The following CDH18 variants were observed in gnomAD, a reference collection of about 807,000 sequenced individuals.
CDH18 encodes the protein cadherin-18.
In CDH18, 31 loss-of-function variants were observed where a neutral mutation model predicts 67.9. The ratio of observed to expected loss-of-function variants is 0.46; its 90% CI spans 0.34 to 0.62. The LOEUF is 0.62. CDH18 is among the 20% of genes least tolerant of loss of function. The probability of loss-of-function intolerance (pLI) is 0.01; values close to 1 mark genes in which losing one functional copy is unlikely to be tolerated. For synonymous variants in CDH18, 362 were observed against 347.2 expected (o/e 1.04, Z -0.48); for missense variants, 890 against 975.5 (o/e 0.91, Z 1.17).
intron 1 of CDH18, among the ~76,000 whole-genome samples, chr5:20,450,522 CA>C (rs1750361301): frequency 6.6e-6 from 1 of 151,888 alleles, no homozygotes; most frequent in African/African-American, 2.4e-5. Context: ...TCTACCAATG[CA>C]AAAATAAAAG....
chr5:20,418,454 G>A (rs535270538), intron 1 of CDH18, among the ~76,000 whole-genome samples: 2 of 151,240 alleles, frequency 1.3e-5, no homozygotes, highest in South Asian at 2.1e-4. Context: ...GGGGAGAGTC[G>A]GTTAAACACA....
chr5:20,301,226 T>A (rs1453902580), intron 1 of CDH18, among the ~76,000 whole-genome samples: 10 of 152,208 alleles, frequency 6.6e-5, no homozygotes, highest in Admixed American at 6.5e-4. Flanking sequence ...TTTATTCACA[T>A]TTCACAGATT....
At chr5:20,542,860 G>A (rs964771281) in intron 1 of CDH18, among the ~76,000 whole-genome samples, 4 of 151,732 alleles carry the variant, frequency 2.6e-5, no homozygotes, top group Admixed American at 2.6e-4. Context: ...GTGTAAACTT[G>A]TAGTGTATTT....
intron 1 of CDH18, among the ~76,000 whole-genome samples, chr5:20,349,742 A>G (rs978831240): frequency 2.7e-4 from 41 of 152,156 alleles, no homozygotes; most frequent in African/African-American, 9.7e-4. Context: ...TTTTCAAAAG[A>G]TAAGTCAGAT....
chr5:19,761,245 A>G (rs1049539215), intron 3 of CDH18, among the ~76,000 whole-genome samples: 4 of 152,180 alleles, frequency 2.6e-5, no homozygotes, highest in Non-Finnish European at 5.9e-5. Context: ...TTTGAGGCTC[A>G]GTATCTGCTT....
At chr5:20,537,005 G>A (rs1396346063) in intron 1 of CDH18, among the ~76,000 whole-genome samples, 3 of 152,074 alleles carry the variant, frequency 2.0e-5, no homozygotes, top group Admixed American at 6.6e-5. Flanking sequence ...CTATGTGGGA[G>A]GGTGGACTTG....
intron 1 of CDH18, among the ~76,000 whole-genome samples, chr5:20,403,535 T>G (rs1019738643): frequency 5.9e-5 from 9 of 152,218 alleles, no homozygotes; most frequent in Non-Finnish European, 1.0e-4. Context: ...TACATTTCAG[T>G]CAGGGTTTTG....
chr5:20,286,152 C>G (rs1052535429), intron 1 of CDH18, among the ~76,000 whole-genome samples: 2 of 151,182 alleles, frequency 1.3e-5, no homozygotes, highest in Admixed American at 1.3e-4. Flanking sequence ...ATAAATTCAG[C>G]AAGATAATAT....
At chr5:20,305,730 C>G (rs1736384225) in intron 1 of CDH18, 1 of 370,338 alleles carries the variant, frequency 2.7e-6, no homozygotes, top group South Asian at 2.8e-5. Flanking sequence ...CCGGAGACCG[C>G]TGTGGGAACC....
At chr5:19,615,211 A>G (rs376054979) in intron 5 of CDH18, among the ~76,000 whole-genome samples, 34 of 152,150 alleles carry the variant, frequency 2.2e-4, no homozygotes, top group African/African-American at 7.9e-4. Flanking sequence ...GTGCTTAGCT[A>G]TGACCCCTCC....
At chr5:19,530,272 A>G (rs1748383591) in intron 9 of CDH18, among the ~76,000 whole-genome samples, 1 of 152,128 alleles carries the variant, frequency 6.6e-6, no homozygotes, top group Non-Finnish European at 1.5e-5. Context: ...TATATAAAAC[A>G]TGGCCCAAAG....
chr5:20,459,737 G>A (rs1421535708), intron 1 of CDH18, among the ~76,000 whole-genome samples: 1 of 152,174 alleles, frequency 6.6e-6, no homozygotes, highest in Non-Finnish European at 1.5e-5. Context: ...GCTCTGGAGT[G>A]CAGCCCTGCT....
At chr5:19,500,704 A>G (rs1006368029) in intron 11 of CDH18, among the ~76,000 whole-genome samples, 3 of 152,220 alleles carry the variant, frequency 2.0e-5, no homozygotes, top group Non-Finnish European at 4.4e-5. Context: ...CTTCATTTGC[A>G]TAGTTAAATG....
At chr5:19,755,386 T>C (rs979966690) in intron 3 of CDH18, among the ~76,000 whole-genome samples, 9 of 137,056 alleles carry the variant, frequency 6.6e-5, no homozygotes, top group African/African-American at 2.3e-4. Context: ...TTCAATGCTA[T>C]TGTATTAGTC....
intron 2 of CDH18, among the ~76,000 whole-genome samples, chr5:20,128,913 C>T (rs115105100): frequency 0.022 from 3,285 of 152,026 alleles, 151 homozygotes; most frequent in African/African-American, 0.073. Context: ...GACTTATGAA[C>T]TCTTTGTTTA....
intron 2 of CDH18, among the ~76,000 whole-genome samples, chr5:20,244,580 T>G (rs1347360793): frequency 6.6e-6 from 1 of 152,138 alleles, no homozygotes. Context: ...TTTTAAAAAT[T>G]TAAGTAATAA....
intron 5 of CDH18, among the ~76,000 whole-genome samples, chr5:19,704,369 C>G (rs1361401214): frequency 1.3e-5 from 2 of 152,172 alleles, no homozygotes; most frequent in Non-Finnish European, 2.9e-5. Flanking sequence ...TGATGGACAA[C>G]CTGGGACTAT....
chr5:19,489,239 CT>C (rs796445512), intron 11 of CDH18, among the ~76,000 whole-genome samples: 37 of 139,654 alleles, frequency 2.6e-4, no homozygotes, highest in East Asian at 1.0e-3. Flanking sequence ...AGTGTTTGTT[CT>C]TTTTTTTTTC....
At chr5:20,537,905 A>G (rs747194182) in intron 1 of CDH18, among the ~76,000 whole-genome samples, 4 of 152,210 alleles carry the variant, frequency 2.6e-5, no homozygotes, top group Non-Finnish European at 2.9e-5. Flanking sequence ...AATCCCACAC[A>G]GGTGAGGATT....
Sources: gnomAD v4.1 joint callset for allele counts (sites outside exome capture counted in the v4.1 genomes callset) on GRCh38, gnomAD v4.1.1 for gene constraint, MANE v1.5 for transcripts, NCBI Gene and HGNC (gene_info 2026-07-23, HGNC 2026-07-21) for gene names.